The following COA1 variants were observed in gnomAD, a reference collection of about 807,000 sequenced individuals.
The protein encoded by COA1 is cytochrome c oxidase assembly factor 1 homolog.
COA1 carries 13 observed loss-of-function variants against 16.0 expected under a neutral mutation model. The observed-to-expected ratio is 0.81, with a 90% CI of 0.53 to 1.29. The LOEUF is 1.29. Among genes scored for constraint, COA1 ranks in the 50% most tolerant of loss-of-function variants. COA1 has a pLI of 0.00. For synonymous variants in COA1, 65 were observed against 65.7 expected, an observed-to-expected ratio of 0.99 and a Z score of 0.05; for missense variants, 179 against 177.0, an observed-to-expected ratio of 1.01 and a Z score of -0.06.
chr7:43,645,479 A>G, intron 3 of COA1, 80 bp from the exon 4 acceptor site: 1 of 1,265,686 alleles, frequency 7.9e-7, no homozygotes. Flanking sequence ...AAATAATCCA[A>G]CTGACGTACA....
intron 6 of COA1, among the ~76,000 whole-genome samples, chr7:43,628,989 C>T (rs777066371): frequency 2.6e-5 from 4 of 152,092 alleles, no homozygotes; most frequent in Non-Finnish European, 4.4e-5. Flanking sequence ...ATAGTTGTAG[C>T]GAATATTCAG....
At chr7:43,692,244 C>T (rs2094395250) in intron 1 of COA1, among the ~76,000 whole-genome samples, 1 of 152,144 alleles carries the variant, frequency 6.6e-6, no homozygotes, top group Non-Finnish European at 1.5e-5. Context: ...CTGGGCCAGG[C>T]GCAGTGGCTC....
At chr7:43,682,082 T>C (rs1334796960) in intron 1 of COA1, among the ~76,000 whole-genome samples, 7 of 152,138 alleles carry the variant, frequency 4.6e-5, no homozygotes, top group African/African-American at 7.2e-5. Context: ...TGTAATAAAA[T>C]ACATAATATG....
chr7:43,702,061 T>C (rs760487733), intron 1 of COA1, among the ~76,000 whole-genome samples: 2 of 152,158 alleles, frequency 1.3e-5, no homozygotes, highest in Non-Finnish European at 2.9e-5. Flanking sequence ...TCTTTCACTG[T>C]GCAGAAGCTC....
chr7:43,684,442 G>A (rs1187589844), intron 1 of COA1, among the ~76,000 whole-genome samples: 1 of 152,110 alleles, frequency 6.6e-6, no homozygotes, highest in Non-Finnish European at 1.5e-5. Flanking sequence ...ATCATACATG[G>A]CAGCACAGAG....
intron 6 of COA1, among the ~76,000 whole-genome samples, chr7:43,613,793 A>G (rs1385023967): frequency 1.3e-5 from 2 of 152,202 alleles, no homozygotes; most frequent in African/African-American, 4.8e-5. Context: ...GCAGTGGGCT[A>G]TGATTGCACC....
chr7:43,646,278 A>C (rs986673614), intron 3 of COA1: 3 of 281,692 alleles, frequency 1.1e-5, no homozygotes, highest in African/African-American at 6.6e-5. Context: ...TGATAGGAAA[A>C]GAAGGGACAG....
chr7:43,670,982 G>A (rs2093223723), intron 1 of COA1, among the ~76,000 whole-genome samples: 2 of 152,132 alleles, frequency 1.3e-5, no homozygotes, highest in South Asian at 2.1e-4. Context: ...TTTATCCAAG[G>A]TCATTTGATT....
intron 1 of COA1, among the ~76,000 whole-genome samples, chr7:43,686,863 A>T (rs917676840): frequency 1.3e-5 from 2 of 152,238 alleles, no homozygotes; most frequent in African/African-American, 4.8e-5. Flanking sequence ...TAAAAAATTG[A>T]TATAGTGAGT....
At chr7:43,699,884 G>T (rs2094653268) in intron 1 of COA1, among the ~76,000 whole-genome samples, 1 of 151,988 alleles carries the variant, frequency 6.6e-6, no homozygotes, top group Non-Finnish European at 1.5e-5. Flanking sequence ...GCAAGGGCTT[G>T]GGATTATTTT....
chr7:43,637,823 C>CACTT (rs762979532), downstream of COA1, among the ~76,000 whole-genome samples: 30 of 152,340 alleles, frequency 2.0e-4, no homozygotes, highest in East Asian at 5.8e-4. Flanking sequence ...TCAAACTCTA[C>CACTT]ACTTACTTTT....
intron 1 of COA1, among the ~76,000 whole-genome samples, chr7:43,690,279 T>C (rs974323265): frequency 3.3e-5 from 5 of 152,234 alleles, no homozygotes. Context: ...GAGGTCCTTA[T>C]ACAAAAAAGA....
chr7:43,661,958 T>TA (rs2092473721), intron 1 of COA1, among the ~76,000 whole-genome samples: 1 of 152,250 alleles, frequency 6.6e-6, no homozygotes, highest in Non-Finnish European at 1.5e-5. Context: ...CATAAGTTAG[T>TA]AAAAATCAGT....
chr7:43,727,992 T>TG (rs1287770522), intron 1 of COA1, among the ~76,000 whole-genome samples: 3 of 147,844 alleles, frequency 2.0e-5, no homozygotes, highest in Non-Finnish European at 4.5e-5. Flanking sequence ...TTTTTTTTTT[T>TG]GAGATGGAGT....
rs1442537142 is a variant in COA1 at position 43,644,789 on chromosome 7, G to GAGAGA, written c.264+461_264+462insTCTCT. 7.6e-3 allele frequency among the ~76,000 whole-genome samples: 794 copies of GAGAGA among 104,258 alleles called. 18 individuals carry two copies. The highest frequency in any genetic ancestry group is 0.022 in the Admixed American group (203 of 9,212). The allele number at this position is 104,258 out of a possible 152,430, so 68.4% of individuals were successfully genotyped here. On this transcript the variant is annotated intron_variant, in intron 4 of 5. Transcript: ENST00000223336. The stretch of plus-strand genomic sequence containing the variant: ...AGGCAGGCAGGCAGGCAGGCAGGCA[G>GAGAGA]GCAGAGAGACAGAGAGAGAGAGAGA...
chr7:43,617,853 C>G (rs1321193936), intron 6 of COA1, among the ~76,000 whole-genome samples: 1 of 152,060 alleles, frequency 6.6e-6, no homozygotes, highest in Non-Finnish European at 1.5e-5. Flanking sequence ...AGAAGGTGGC[C>G]CATCAGAGGA....
chr7:43,622,881 T>C (rs1193019034), intron 6 of COA1: 1 of 152,310 alleles, frequency 6.6e-6, no homozygotes, highest in African/African-American at 2.4e-5. Context: ...TTGTTTATTT[T>C]TTGTAGAGAC....
intron 1 of COA1, among the ~76,000 whole-genome samples, chr7:43,683,466 A>T (rs1426768909): frequency 6.6e-6 from 1 of 151,968 alleles, no homozygotes; most frequent in African/African-American, 2.4e-5. Flanking sequence ...CCTCATCTCT[A>T]CTAAAAAAAT....
At chr7:43,696,717 G>GTA (rs912392393) in intron 1 of COA1, among the ~76,000 whole-genome samples, 2 of 151,914 alleles carry the variant, frequency 1.3e-5, no homozygotes, top group African/African-American at 4.8e-5. Context: ...GTATATATAT[G>GTA]TATATATATA....
Sources: allele counts gnomAD v4.1 joint callset (sites outside exome capture counted in the v4.1 genomes callset), GRCh38; gene constraint gnomAD v4.1.1; transcripts MANE v1.5; gene names NCBI Gene and HGNC (gene_info 2026-07-23, HGNC 2026-07-21).